The following PHF24 variants were observed in gnomAD, a reference collection of about 807,000 sequenced individuals.
PHF24 encodes the protein PHD finger protein 24.
In PHF24, 25 loss-of-function variants were observed where a neutral mutation model predicts 42.6. The ratio of observed to expected loss-of-function variants is 0.59; its 90% confidence interval spans 0.43 to 0.82. PHF24 has a LOEUF of 0.82. Among genes scored for constraint, PHF24 ranks in the 40% least tolerant of loss-of-function variants. The probability of loss-of-function intolerance (pLI) is 0.00; values close to 1 mark genes in which losing one functional copy is unlikely to be tolerated. For missense variants in PHF24, 470 were observed against 538.1 expected (o/e 0.87, Z 1.25); for synonymous variants, 185 against 204.8 (o/e 0.90, Z 0.83).
the PHF24 span, chr9:34,922,233 G>A: frequency 3.5e-5 from 55 of 1,592,260 alleles, no homozygotes; most frequent in East Asian, 1.1e-3. Flanking sequence ...TCGGGTATCC[G>A]ATGTCCACAA....
At chr9:34,875,942 ACACACACACTCTCTCTCT>A in the PHF24 span, among the ~76,000 whole-genome samples, 55 of 86,872 alleles carry the variant, frequency 6.3e-4, no homozygotes, top group African/African-American at 2.2e-3. Context: ...ACACACACAC[ACACACACACTCTCTCTCT>A]CTCTCTCTCT....
the PHF24 span, among the ~76,000 whole-genome samples, chr9:34,692,521 C>T: frequency 6.6e-6 from 1 of 152,260 alleles, no homozygotes; most frequent in East Asian, 1.9e-4. Flanking sequence ...CTGTCTGCCA[C>T]TTGGTCATGG....
chr9:34,729,634 G>A, the PHF24 span, among the ~76,000 whole-genome samples: 2 of 152,170 alleles, frequency 1.3e-5, no homozygotes, highest in Non-Finnish European at 2.9e-5. Context: ...GTAGATGAGG[G>A]TGTTTTGAGC....
chr9:34,792,576 C>T, the PHF24 span, among the ~76,000 whole-genome samples: 1 of 151,988 alleles, frequency 6.6e-6, no homozygotes, highest in Non-Finnish European at 1.5e-5. Context: ...AAGGCTGAGG[C>T]AGGAGAATCG....
chr9:34,703,181 T>A, the PHF24 span, among the ~76,000 whole-genome samples: 8 of 149,208 alleles, frequency 5.4e-5, no homozygotes, highest in Non-Finnish European at 8.9e-5. Flanking sequence ...ATAATTTAAA[T>A]TTTTTTTTTT....
intron 1 of PHF24, among the ~76,000 whole-genome samples, chr9:34,969,457 C>A (rs550303038): frequency 2.0e-4 from 31 of 151,848 alleles, no homozygotes; most frequent in African/African-American, 6.0e-4. Flanking sequence ...CTGGCTAACA[C>A]GGTGAAACCC....
the PHF24 span, chr9:34,690,236 C>T: frequency 2.5e-6 from 4 of 1,614,158 alleles, no homozygotes; most frequent in African/African-American, 2.7e-5. Context: ...TGCAGCCATC[C>T]TTGATGAGAA....
At chr9:34,976,786 G>T in intron 5 of PHF24, 46 bp downstream of exon 5, 2 of 1,544,098 alleles carry the variant, frequency 1.3e-6, no homozygotes, top group South Asian at 1.1e-5. Flanking sequence ...TGGGTGACAA[G>T]GGCCTGGGAG....
the PHF24 span, among the ~76,000 whole-genome samples, chr9:34,884,058 C>T: frequency 6.6e-6 from 1 of 152,128 alleles, no homozygotes; most frequent in Non-Finnish European, 1.5e-5. Flanking sequence ...AGTTCATGTT[C>T]TTTGTTTGGA....
At chr9:34,899,073 T>C in the PHF24 span, among the ~76,000 whole-genome samples, 6 of 152,290 alleles carry the variant, frequency 3.9e-5, no homozygotes, top group Non-Finnish European at 8.8e-5. Flanking sequence ...GACAGTGGGA[T>C]CAGTGTCTTC....
the PHF24 span, chr9:34,917,427 T>C: frequency 1.3e-6 from 1 of 768,640 alleles, no homozygotes. Context: ...CCTGCTGCTA[T>C]GTTTAAGGAC....
At chr9:34,666,240 A>C in the PHF24 span, 16 of 159,434 alleles carry the variant, frequency 1.0e-4, no homozygotes, top group Middle Eastern at 3.3e-3. Context: ...CAGGTTTTGG[A>C]GCTACACCTT....
At chr9:34,806,620 A>C in the PHF24 span, among the ~76,000 whole-genome samples, 1 of 151,974 alleles carries the variant, frequency 6.6e-6, no homozygotes, top group African/African-American at 2.4e-5. Flanking sequence ...CACCATGCCA[A>C]GCTAATTTTT....
intron 1 of PHF24, among the ~76,000 whole-genome samples, chr9:34,960,439 G>A (rs1358842046): frequency 1.3e-5 from 2 of 152,124 alleles, no homozygotes; most frequent in Admixed American, 6.5e-5. Flanking sequence ...AGTAAAGCCC[G>A]ACAAAGGTTT....
At chr9:34,830,672 C>T in the PHF24 span, among the ~76,000 whole-genome samples, 2,296 of 152,160 alleles carry the variant, frequency 0.015, 59 homozygotes, top group African/African-American at 0.052. Flanking sequence ...GAGGCTCGAC[C>T]GAAAAGGTAG....
the PHF24 span, among the ~76,000 whole-genome samples, chr9:34,804,230 C>A: frequency 6.6e-6 from 1 of 152,162 alleles, no homozygotes; most frequent in Admixed American, 6.5e-5. Context: ...GAGAGTTCAG[C>A]AATCTGAAGA....
the PHF24 span, chr9:34,833,523 G>C: frequency 3.2e-6 from 5 of 1,551,518 alleles, no homozygotes; most frequent in South Asian, 1.2e-5. Flanking sequence ...AGAGACTTCT[G>C]TGTGGATATG....
At chr9:34,683,251 G>A in the PHF24 span, among the ~76,000 whole-genome samples, 2 of 152,186 alleles carry the variant, frequency 1.3e-5, no homozygotes, top group Non-Finnish European at 2.9e-5. Flanking sequence ...AGTAGAGAAA[G>A]GGTTTTGCCA....
chr9:34,699,803 A>G, the PHF24 span, among the ~76,000 whole-genome samples: 4 of 152,362 alleles, frequency 2.6e-5, no homozygotes, highest in East Asian at 7.7e-4. Flanking sequence ...AGCACAACAG[A>G]TACGCGTTCC....
Sources: gnomAD v4.1 joint callset for allele counts (sites outside exome capture counted in the v4.1 genomes callset) on GRCh38, gnomAD v4.1.1 for gene constraint, MANE v1.5 for transcripts, NCBI Gene and HGNC (gene_info 2026-07-23, HGNC 2026-07-21) for gene names.